Variants in ADAM11 observed in about 807,000 individuals in gnomAD.
The protein encoded by ADAM11 is ADAM metallopeptidase domain 11.
ADAM11 carries 49 observed loss-of-function variants against 119.1 expected under a neutral mutation model. The ratio of observed to expected loss-of-function variants is 0.41; its 90% confidence interval spans 0.33 to 0.52. The LOEUF is 0.52. ADAM11 is among the 20% of genes least tolerant of loss of function. ADAM11 has a pLI of 0.20. For synonymous variants in ADAM11, 364 were observed against 408.0 expected (o/e 0.89, Z 1.30); for missense variants, 777 against 1,047.5 (o/e 0.74, Z 3.56).
At chr17:44,778,284 G>C (rs1229954030) in intron 25 of ADAM11, 42 bp downstream of exon 25, 1 of 1,571,238 alleles carries the variant, frequency 6.4e-7, no homozygotes, top group Non-Finnish European at 8.6e-7. Flanking sequence ...CATCCTTGAG[G>C]GGGGATCAGA....
At chr17:44,770,497 C>G (rs2337846) in intron 4 of ADAM11, among the ~76,000 whole-genome samples, 1 of 79,858 alleles carries the variant, frequency 1.3e-5, no homozygotes, top group Non-Finnish European at 2.7e-5. Context: ...CTCCCCCCCC[C>G]CCGCCCCCAC....
chr17:44,779,201 TC>T lies in ADAM11; in HGVS notation c.2277-19del. On this transcript the variant is annotated intron_variant, in intron 25 of 26. Transcript: ENST00000200557. ...CAGATGTCTCCTTTTCCTCTCCCCT[TC>T]CACCATCCTCCCCCTGCAGAAACAT... The T allele has an allele frequency of 6.3e-7, 1 of 1,588,726 alleles. No homozygotes were observed. Among genetic ancestry groups the T allele is most frequent in the Non-Finnish European group, 8.5e-7 (1 of 1,170,252 alleles).
Position 44,770,061 on chromosome 17 carries a change from G to T in ADAM11, c.381+13G>T. On this transcript the variant is annotated intron_variant, in intron 4 of 26. Coordinates refer to ENST00000200557, the MANE Select transcript of ADAM11 (RefSeq NM_002390.6). ...CCAGCACAGCACCGTGAGTGCCACT[G>T]CAGGGGACCGGGGCCGGGGATGGAA... 6.2e-7 allele frequency: 1 copy of T among 1,613,812 alleles called. No homozygotes were observed. The highest frequency in any genetic ancestry group is 8.5e-7 in the Non-Finnish European group (1 of 1,179,916).
chr17:44,766,751 A>T (rs979903671), intron 2 of ADAM11, among the ~76,000 whole-genome samples: 2 of 152,124 alleles, frequency 1.3e-5, no homozygotes, highest in Non-Finnish European at 2.9e-5. Flanking sequence ...CAGCCGGGGG[A>T]GCAAGAGACA....
chr17:44,760,391 C>T (rs901521344), intron 2 of ADAM11, among the ~76,000 whole-genome samples: 1 of 152,208 alleles, frequency 6.6e-6, no homozygotes, highest in African/African-American at 2.4e-5. Flanking sequence ...GTTGTTCTTC[C>T]TGTCCTGGCT....
chr17:44,765,202 T>TG (rs1432534985), intron 2 of ADAM11, among the ~76,000 whole-genome samples: 1 of 7,312 alleles, frequency 1.4e-4, no homozygotes, highest in Non-Finnish European at 2.7e-4. Flanking sequence ...CGGGGGTGGG[T>TG]GGGGGGAGCT....
rs1480658479 is a variant in ADAM11, at chr17:44,773,069, TG to T, written c.810del (p.Asn271ThrfsTer5). 6.2e-7 allele frequency: 1 copy of T among 1,613,600 alleles called. No individual in the cohort carries two copies. Among genetic ancestry groups the T allele is most frequent in the African/African-American group, 1.3e-5 (1 of 74,788 alleles). On this transcript the variant is annotated frameshift_variant, in exon 10 of 27. Coordinates refer to ENST00000200557, the MANE Select transcript of ADAM11 (RefSeq NM_002390.6). LOFTEE classifies it high-confidence loss of function. This position sits in a 1 kb window ranked among gnomAD's most constrained non-coding sequence, Gnocchi z 4.6. ...VLTSNFAKSV[V>X]NLADVIYKEQ... ...ACCAGCAACTTTGCCAAGTCCGTGG[TG>T]AACCTGGCCGATGTGGTAAGCAGCT...
At position 44,770,488 on chromosome 17, in the gene ADAM11, T is replaced by TCACCCCCCCC. The variant is rs1158996609; in HGVS notation, c.381+441_381+442insACCCCCCCCC. On this transcript the variant is annotated intron_variant, in intron 4 of 26. Coordinates refer to ENST00000200557, the MANE Select transcript of ADAM11 (RefSeq NM_002390.6). Reference sequence around the variant, plus strand: ...AATGAGTGTCTATAAATAGCCTGTCTCCCCCCCCCCCGCCCCCACTGCCTG... The same window carrying TCACCCCCCCC: ...AATGAGTGTCTATAAATAGCCTGTCTCACCCCCCCCCCCCCCCCCCCGCCCCCACTGCCTG... Among the ~76,000 whole-genome samples the TCACCCCCCCC allele has an allele frequency of 1.6e-3, 99 of 60,240 alleles. 16 individuals carry two copies. Among genetic ancestry groups the TCACCCCCCCC allele is most frequent in the African/African-American group, 5.2e-3 (98 of 18,810 alleles). 39.5% of individuals were successfully genotyped at this position (60,240 alleles called of 152,430 possible).
At chr17:44,762,750 T>G (rs944191397) in intron 2 of ADAM11, among the ~76,000 whole-genome samples, 7 of 151,532 alleles carry the variant, frequency 4.6e-5, no homozygotes, top group Non-Finnish European at 8.8e-5. Flanking sequence ...CAGGAGGTGG[T>G]GATGGGAAAG....
chr17:44,779,194 C>CT lies in ADAM11; in HGVS notation c.2277-27dup, dbSNP rs747894500. On this transcript the variant is annotated intron_variant, in intron 25 of 26. Transcript: ENST00000200557. ...AAAAGGTCAGATGTCTCCTTTTCCT[C>CT]TCCCCTTCCACCATCCTCCCCCTGC... The CT allele has an allele frequency of 2.5e-6, 4 of 1,587,932 alleles. No individual in the cohort carries two copies. The Admixed American group carries it at 7.3e-5, about 29-fold the overall frequency.
chr17:44,761,883 C>T (rs937615903), intron 2 of ADAM11, among the ~76,000 whole-genome samples: 1 of 152,120 alleles, frequency 6.6e-6, no homozygotes, highest in Non-Finnish European at 1.5e-5. Flanking sequence ...AGTGCAATGG[C>T]GTGATCTCTG....
At chr17:44,768,692 A>G (rs1304985422) in intron 2 of ADAM11, among the ~76,000 whole-genome samples, 1 of 152,198 alleles carries the variant, frequency 6.6e-6, no homozygotes, top group Admixed American at 6.5e-5. Flanking sequence ...TTGAGGAGGA[A>G]GCCGACAAGG....
Position 44,772,154 on chromosome 17 carries a change from A to T in ADAM11, c.544-113A>T. 9.7e-7 allele frequency: 1 copy of T among 1,031,090 alleles called. No individual in the cohort carries two copies. Among genetic ancestry groups the T allele is most frequent in the Non-Finnish European group, 1.4e-6 (1 of 703,630 alleles). The allele number at this position is 1,031,090 out of a possible 1,614,324, so 63.9% of individuals were successfully genotyped here. A position where few individuals can be genotyped will look rare whatever the true frequency, so the allele number is the denominator to read the frequency against. On this transcript the variant is annotated intron_variant, in intron 6 of 26. Transcript: ENST00000200557. The surrounding 1 kb of genome is among the most constrained non-coding windows in gnomAD (Gnocchi z 4.5). ...CAGATCCGACATGGGAGCTGTGGCC[A>T]GTTCTGGGTCACCCCAGGGTGGGGT...
At chr17:44,760,126 G>A (rs901467527) in intron 2 of ADAM11, among the ~76,000 whole-genome samples, 4 of 152,212 alleles carry the variant, frequency 2.6e-5, no homozygotes, top group African/African-American at 9.6e-5. Flanking sequence ...CAGTGTACAG[G>A]GACCACTAAT....
rs199757262 is a variant in ADAM11 at position 44,779,794 on chromosome 17, C to T, written c.*40C>T. ...CCTCCAAGCCTGGCACCCACCGTCTCGGCCCTGAACCACGAGGCTGCCCCC... is the reference window on the plus strand; with the variant it reads ...CCTCCAAGCCTGGCACCCACCGTCTTGGCCCTGAACCACGAGGCTGCCCCC... On this transcript the variant is annotated 3_prime_UTR_variant, in exon 27 of 27. Transcript: ENST00000200557. The T allele has an allele frequency of 3.8e-5, 62 of 1,611,350 alleles. No individual in the cohort carries two copies. In the African/African-American group the frequency reaches 4.1e-4, roughly 11 times the overall value.
rs750640162 is a variant in ADAM11 at position 44,776,098 on chromosome 17, C to G, written c.1486-29C>G. ...GGCAGGGCCGAGGCATCCATCCTGC[C>G]TGACTCGAGGAGCGCGTCTCTTCCC... On this transcript the variant is annotated intron_variant, in intron 17 of 26. Transcript: ENST00000200557. The surrounding 1 kb of genome is among the most constrained non-coding windows in gnomAD (Gnocchi z 5.2). The G allele has an allele frequency of 1.9e-6, 3 of 1,612,504 alleles. No homozygotes were observed. The highest frequency in any genetic ancestry group is 1.3e-5 in the African/African-American group (1 of 74,866).
intron 11 of ADAM11, 29 bp from the exon 12 acceptor site, chr17:44,774,266 G>A (rs62066014): frequency 0.62 from 879,667 of 1,422,110 alleles, 274,114 homozygotes; most frequent in East Asian, 0.8. Flanking sequence ...GAGGGCAGGA[G>A]GCCATCCTGA....
At chr17:44,763,533 G>A (rs1049427095) in intron 2 of ADAM11, among the ~76,000 whole-genome samples, 3 of 152,216 alleles carry the variant, frequency 2.0e-5, no homozygotes, top group African/African-American at 7.2e-5. Context: ...TTCTGGGAGT[G>A]CAGAAACCTG....
At position 44,775,598 on chromosome 17, in the gene ADAM11, AG is replaced by A; in HGVS notation, c.1409del (p.Gly470ValfsTer10). 6.3e-7 allele frequency: 1 copy of A among 1,580,886 alleles called. No individual in the cohort carries two copies. Among genetic ancestry groups the A allele is most frequent in the Non-Finnish European group, 8.6e-7 (1 of 1,164,630 alleles). ...GCGTCCCTCAGGAGTGCAGCCGCGC[AG>A]GTGGCAACTGCTGCAAGAAATGCAC... ...CGSVQECSRA[G>X]GNCCKKCTLT... is the part of the protein sequence containing the mutation. On this transcript the variant is annotated frameshift_variant, in exon 17 of 27. Transcript: ENST00000200557. LOFTEE classifies it high-confidence loss of function. The surrounding 1 kb of genome is among the most constrained non-coding windows in gnomAD (Gnocchi z 7.5).
Sources: gnomAD v4.1 joint callset for allele counts (sites outside exome capture counted in the v4.1 genomes callset) on GRCh38, gnomAD v4.1.1 for gene constraint, Gnocchi (gnomAD v3.1) non-coding constraint, MANE v1.5 for transcripts, NCBI Gene and HGNC (gene_info 2026-07-23, HGNC 2026-07-21) for gene names.